Variants in ZNF425 observed in about 807,000 individuals in gnomAD.
The protein encoded by ZNF425 is zinc finger protein 425.
A neutral mutation model predicts 17.0 loss-of-function variants in ZNF425; 21 were observed. That is an observed-to-expected ratio of 1.23 (90% CI 0.88 to 1.78). ZNF425 has a LOEUF of 1.78. Among genes scored for constraint, ZNF425 ranks in the 40% most tolerant of loss-of-function variants. ZNF425 has a pLI of 0.00. For synonymous variants in ZNF425, 433 were observed against 384.1 expected (o/e 1.13, Z -1.49); for missense variants, 868 against 967.3 (o/e 0.90, Z 1.36).
In ZNF425 at chr7:149,103,952, C is replaced by G. The variant is rs749767822; in HGVS notation, c.1919G>C (p.Cys640Ser). 1 of 1,614,012 alleles carries G rather than the reference C, an allele frequency of 6.2e-7. No individual in the cohort carries two copies. The highest frequency in any genetic ancestry group is 1.1e-5 in the South Asian group (1 of 91,088). Residue 640 changes from cysteine to serine, a missense_variant, in exon 4 of 4, where the codon TGT becomes TCT. Physicochemically the swap from Cys to Ser is moderately radical, Grantham distance 112. This residue lies in a region of ZNF425 where 437 missense variants were observed against 444.2 expected (regional missense o/e 0.98). Coordinates refer to ENST00000378061, the MANE Select transcript of ZNF425 (RefSeq NM_001001661.3). ...AGTGAAACTTTTGCCGCACATCACACAAGAGAATGGCTTTTGGCCACTGTG... is the reference window on the plus strand; with the variant it reads ...AGTGAAACTTTTGCCGCACATCACAGAAGAGAATGGCTTTTGGCCACTGTG... ...LQHSGQKPFS[C>S]VMCGKSFTQQ... is the part of the protein sequence containing the mutation.
In ZNF425 at chr7:149,105,268, T is replaced by C; in HGVS notation, c.603A>G (p.Val201=). The C allele has an allele frequency of 6.2e-7, 1 of 1,614,164 alleles. No individual in the cohort carries two copies. Among genetic ancestry groups the C allele is most frequent in the South Asian group, 1.1e-5 (1 of 91,082 alleles). Residue 201 remains valine, a synonymous_variant, in exon 4 of 4, where the codon GTA becomes GTG. Coordinates refer to ENST00000378061, the MANE Select transcript of ZNF425 (RefSeq NM_001001661.3). ...GTTTGTGCTTTAGCAAATCCCTCCT[T>C]ACTTGGAAGACTTTCCTACAGACAT... is the stretch of plus-strand genomic sequence containing the variant. The part of the protein sequence containing the change: ...SCYVCRKVFQ[V]RRDLLKHKRS...
At position 149,104,309 on chromosome 7, in the gene ZNF425, G is replaced by A. The variant is rs772166069; in HGVS notation, c.1562C>T (p.Thr521Ile). Reference protein sequence around the residue: ...SRLTQHLKVHTTEKPFSCAEC... With the variant: ...SRLTQHLKVHITEKPFSCAEC... ...GGCGCAGGAGAACGGCTTTTCCGTG[G>A]TGTGGACCTTCAGGTGCTGCGTGAG... The change falls in exon 4 of 4, where the codon ACC becomes ATC. Residue 521 changes from threonine to isoleucine, a missense_variant. Physicochemically the swap from Thr to Ile is moderately conservative, Grantham distance 89. Coordinates refer to ENST00000378061, the MANE Select transcript of ZNF425 (RefSeq NM_001001661.3). The surrounding 1 kb of genome is among the most constrained non-coding windows in gnomAD (Gnocchi z 4.3). 1 of 1,613,384 alleles carries A rather than the reference G, an allele frequency of 6.2e-7. No homozygotes were observed. Among genetic ancestry groups the A allele is most frequent in the Non-Finnish European group, 8.5e-7 (1 of 1,179,992 alleles).
Position 149,105,661 on chromosome 7 carries a change from TA to T in ZNF425, c.305-96del, listed in dbSNP as rs964899426. On this transcript the variant is annotated intron_variant, in intron 3 of 3. Transcript: ENST00000378061. ...TTTAAAAATTTATTATTATTATTAT[TA>T]TTTTTTGCGATAGAGTCTCGCTCTG... The T allele has an allele frequency of 1.2e-5, 10 of 855,662 alleles. No individual in the cohort carries two copies. The African/African-American group carries it at 1.2e-4, about 11-fold the overall frequency. The allele number at this position is 855,662 out of a possible 1,614,324, so 53.0% of individuals were successfully genotyped here.
At chr7:149,115,993 A>G (rs942937181) in intron 2 of ZNF425, among the ~76,000 whole-genome samples, 1 of 152,174 alleles carries the variant, frequency 6.6e-6, no homozygotes, top group Non-Finnish European at 1.5e-5. Flanking sequence ...ATTTGGAAAA[A>G]TCTGGCTAAA....
At chr7:149,107,629 G>A (rs932261569) in intron 3 of ZNF425, among the ~76,000 whole-genome samples, 2 of 151,686 alleles carry the variant, frequency 1.3e-5, no homozygotes, top group South Asian at 2.1e-4. Context: ...AAGCCACCGC[G>A]CCTGGCCAAG....
At chr7:149,124,879 C>A (rs549950755) in intron 1 of ZNF425, among the ~76,000 whole-genome samples, 342 of 152,326 alleles carry the variant, frequency 2.2e-3, no homozygotes, top group Non-Finnish European at 4.0e-3. Context: ...CCATTTATGA[C>A]CACATTTACA....
At chr7:149,115,100 ATTTTTTTTTTT>A (rs71192755) in intron 2 of ZNF425, among the ~76,000 whole-genome samples, 4 of 123,894 alleles carry the variant, frequency 3.2e-5, no homozygotes, top group African/African-American at 1.3e-4. Context: ...ACGCTGGCTA[ATTTTTTTTTTT>A]TTTTTTTTTT....
At chr7:149,118,375 C>T (rs777098116) in intron 1 of ZNF425, 27 bp from the exon 2 acceptor site, 1 of 1,611,442 alleles carries the variant, frequency 6.2e-7, no homozygotes, top group South Asian at 1.1e-5. Context: ...TATACACATA[C>T]ATTTTTACTT....
At chr7:149,122,478 C>T (rs1826374838) in intron 1 of ZNF425, among the ~76,000 whole-genome samples, 1 of 151,762 alleles carries the variant, frequency 6.6e-6, no homozygotes, top group Non-Finnish European at 1.5e-5. Flanking sequence ...AAATTTTGGC[C>T]CCAGTCCGTA....
At chr7:149,122,124 G>A (rs1826366982) in intron 1 of ZNF425, among the ~76,000 whole-genome samples, 2 of 150,202 alleles carry the variant, frequency 1.3e-5, no homozygotes, top group South Asian at 2.1e-4. Flanking sequence ...GTAGAGATGG[G>A]GTTTCACCAT....
rs1178385110 is a variant in ZNF425, at chr7:149,105,254, A to ACTT, written c.616_617insAAG (p.Leu206delinsGlnVal). On this transcript the variant is annotated protein_altering_variant, in exon 4 of 4. Transcript: ENST00000378061. ...CTTGGAGTGGCTCCGTTTGTGCTTTAGCAAATCCCTCCTTACTTGGAAGAC... is the reference window on the plus strand; with the variant it reads ...CTTGGAGTGGCTCCGTTTGTGCTTTACTTGCAAATCCCTCCTTACTTGGAAGAC... The ACTT allele has an allele frequency of 6.2e-7, 1 of 1,614,050 alleles. No homozygotes were observed. The highest frequency in any genetic ancestry group is 8.5e-7 in the Non-Finnish European group (1 of 1,180,042).
rs1339275540 is a variant in ZNF425 at position 149,105,151 on chromosome 7, C to T, written c.720G>A (p.Leu240=). ...KSELRRTQRL[L]CQKKRFQCSE... is the part of the protein sequence containing the mutation. Reference sequence around the variant, plus strand: ...TGCACTGGAACCGCTTCTTCTGACACAGGAGCCTCTGCGTCCGCCTGAGTT... The same window carrying T: ...TGCACTGGAACCGCTTCTTCTGACATAGGAGCCTCTGCGTCCGCCTGAGTT... The change falls in exon 4 of 4, where the codon CTG becomes CTA. Residue 240 remains leucine, a synonymous_variant. Transcript: ENST00000378061. 1.2e-6 allele frequency: 2 copies of T among 1,614,246 alleles called. No homozygotes were observed. Among genetic ancestry groups the T allele is most frequent in the Admixed American group, 3.3e-5 (2 of 60,026 alleles).
intron 2 of ZNF425, among the ~76,000 whole-genome samples, chr7:149,115,392 G>T (rs1190055643): frequency 6.6e-6 from 1 of 151,758 alleles, no homozygotes; most frequent in Admixed American, 6.6e-5. Flanking sequence ...GGTGGCTCAC[G>T]CTTGTAATCC....
chr7:149,120,355 C>T (rs1826330888), intron 1 of ZNF425, among the ~76,000 whole-genome samples: 1 of 152,150 alleles, frequency 6.6e-6, no homozygotes, highest in Admixed American at 6.5e-5. Flanking sequence ...GCACTCCAGC[C>T]TGGGCGACAG....
chr7:149,112,189 A>C lies in ZNF425; in HGVS notation c.252T>G (p.Pro84=). The C allele has an allele frequency of 6.2e-7, 1 of 1,614,146 alleles. No individual in the cohort carries two copies. The highest frequency in any genetic ancestry group is 8.5e-7 in the Non-Finnish European group (1 of 1,180,000). The change falls in exon 3 of 4, where the codon CCT becomes CCG. Residue 84 remains proline, a synonymous_variant. Coordinates refer to ENST00000378061, the MANE Select transcript of ZNF425 (RefSeq NM_001001661.3). The part of the protein sequence containing the change: ...CLDKTRRTTS[P]PTDEQLNMKN... Reference sequence around the variant, plus strand: ...TCATGTTCAACTGTTCATCAGTAGGAGGGCTAGTTGTCCTTCTTGTTTTAT... The same window carrying C: ...TCATGTTCAACTGTTCATCAGTAGGCGGGCTAGTTGTCCTTCTTGTTTTAT...
chr7:149,105,569 G>T lies in ZNF425; in HGVS notation c.305-3C>A, dbSNP rs1826067236. Reference sequence around the variant, plus strand: ...TGTCCTGGGAGTTCCTTCGTCATCTGGAGCAGAAAGAAGTATCACTCTCAT... The same window carrying T: ...TGTCCTGGGAGTTCCTTCGTCATCTTGAGCAGAAAGAAGTATCACTCTCAT... On this transcript the variant is annotated splice_region_variant and splice_polypyrimidine_tract_variant and intron_variant, in intron 3 of 3. Transcript: ENST00000378061. 1.3e-6 allele frequency: 2 copies of T among 1,504,390 alleles called. No individual in the cohort carries two copies. The highest frequency in any genetic ancestry group is 2.8e-5 in the African/African-American group (2 of 71,430). 93.2% of individuals were successfully genotyped at this position (1,504,390 alleles called of 1,614,324 possible). A position where few individuals can be genotyped will look rare whatever the true frequency, so the allele number is the denominator to read the frequency against.
intron 1 of ZNF425, among the ~76,000 whole-genome samples, chr7:149,121,079 CTTTTTTTTTTT>C (rs75534831): frequency 4.8e-5 from 3 of 62,776 alleles, no homozygotes; most frequent in African/African-American, 8.7e-5. Flanking sequence ...TTTTACATTC[CTTTTTTTTTTT>C]TTTTTTTTTT....
At chr7:149,125,104 A>T (rs1371373773) in intron 1 of ZNF425, among the ~76,000 whole-genome samples, 1 of 152,214 alleles carries the variant, frequency 6.6e-6, no homozygotes, top group Non-Finnish European at 1.5e-5. Flanking sequence ...GCCTGGCTGT[A>T]GAAACAAAGC....
chr7:149,126,055 G>T, intron 1 of ZNF425, 141 bp downstream of exon 1: 1 of 1,499,438 alleles, frequency 6.7e-7, no homozygotes, highest in Non-Finnish European at 9.1e-7. Context: ...CTCCAGCCCA[G>T]CCCGGAGCTC....
Sources: allele counts gnomAD v4.1 joint callset (sites outside exome capture counted in the v4.1 genomes callset), GRCh38; gene constraint gnomAD v4.1.1; regional missense constraint gnomAD v4.1.1; non-coding constraint Gnocchi (gnomAD v3.1); transcripts MANE v1.5; gene names NCBI Gene and HGNC (gene_info 2026-07-23, HGNC 2026-07-21).